Variants in C8orf34 observed in about 807,000 individuals in gnomAD.
C8orf34 encodes the protein uncharacterized protein C8orf34.
Under a neutral mutation model 68.3 loss-of-function variants are expected in C8orf34, and 65 were observed. The ratio of observed to expected loss-of-function variants is 0.95; its 90% CI spans 0.78 to 1.17. C8orf34 has a LOEUF of 1.17. Ranked by LOEUF, C8orf34 falls within the 50% of genes most tolerant of loss-of-function variation. The pLI is 0.00. For synonymous variants in C8orf34, 244 were observed against 241.2 expected (o/e 1.01, Z -0.11); for missense variants, 664 against 655.4 (o/e 1.01, Z -0.14).
At chr8:68,726,079 T>C (rs1245507192) in intron 10 of C8orf34, among the ~76,000 whole-genome samples, 1 of 152,070 alleles carries the variant, frequency 6.6e-6, no homozygotes, top group African/African-American at 2.4e-5. Flanking sequence ...CAGCTAATTT[T>C]TGTATTTTTA....
chr8:68,555,591 T>C (rs1256704629), intron 7 of C8orf34, among the ~76,000 whole-genome samples: 1 of 152,162 alleles, frequency 6.6e-6, no homozygotes, highest in Non-Finnish European at 1.5e-5. Context: ...CTCCCTTCTC[T>C]AGAGGTAATT....
chr8:68,335,179 T>A (rs1805797620), intron 1 of C8orf34, among the ~76,000 whole-genome samples: 1 of 152,150 alleles, frequency 6.6e-6, no homozygotes, highest in Non-Finnish European at 1.5e-5. Flanking sequence ...TTAGGGCAGT[T>A]GTTTGGGGAT....
chr8:68,343,227 G>A (rs538987462), intron 1 of C8orf34, among the ~76,000 whole-genome samples: 3 of 152,130 alleles, frequency 2.0e-5, no homozygotes, highest in African/African-American at 7.2e-5. Flanking sequence ...AAAACCATTT[G>A]CTATTAGAGA....
chr8:68,717,336 G>A (rs1354285537), intron 9 of C8orf34, among the ~76,000 whole-genome samples: 1 of 151,982 alleles, frequency 6.6e-6, no homozygotes, highest in East Asian at 1.9e-4. Context: ...TCACCCAGGC[G>A]GGGCCCGGGT....
intron 6 of C8orf34, among the ~76,000 whole-genome samples, chr8:68,528,056 T>G (rs1471833105): frequency 6.6e-6 from 1 of 152,178 alleles, no homozygotes; most frequent in Non-Finnish European, 1.5e-5. Context: ...CTAGCAATAA[T>G]TTGCTAACTG....
At chr8:68,465,131 G>T (rs961981545) in intron 3 of C8orf34, among the ~76,000 whole-genome samples, 2 of 152,148 alleles carry the variant, frequency 1.3e-5, no homozygotes, top group African/African-American at 2.4e-5. Context: ...CCATCAAAAA[G>T]TGGGCAAAGG....
intron 7 of C8orf34, among the ~76,000 whole-genome samples, chr8:68,634,513 C>T (rs1052814329): frequency 6.6e-5 from 10 of 152,190 alleles, no homozygotes; most frequent in African/African-American, 2.4e-4. Flanking sequence ...TTATCATAAA[C>T]TTTCCAAATT....
chr8:68,632,232 A>G (rs1818711074), intron 7 of C8orf34, among the ~76,000 whole-genome samples: 2 of 152,148 alleles, frequency 1.3e-5, no homozygotes, highest in Non-Finnish European at 2.9e-5. Flanking sequence ...CACTCTTGTT[A>G]TATCTTAGCA....
At chr8:68,781,744 T>A (rs562540221) in intron 11 of C8orf34, among the ~76,000 whole-genome samples, 2 of 152,328 alleles carry the variant, frequency 1.3e-5, no homozygotes, top group South Asian at 4.1e-4. Flanking sequence ...AAGTAAAACA[T>A]TTAAATCATC....
chr8:68,792,297 G>C (rs923380505), intron 12 of C8orf34: 1 of 152,064 alleles, frequency 6.6e-6, no homozygotes, highest in African/African-American at 2.4e-5. Context: ...TATAGATCAG[G>C]CGCAATGGCT....
At chr8:68,704,064 A>G (rs1250553968) in intron 8 of C8orf34, among the ~76,000 whole-genome samples, 2 of 152,238 alleles carry the variant, frequency 1.3e-5, no homozygotes, top group African/African-American at 4.8e-5. Context: ...AATCTCTTTT[A>G]GAGTTTAAAA....
At chr8:68,565,846 A>G (rs1270820039) in intron 7 of C8orf34, among the ~76,000 whole-genome samples, 1 of 152,226 alleles carries the variant, frequency 6.6e-6, no homozygotes, top group African/African-American at 2.4e-5. Flanking sequence ...TAAATGGAAC[A>G]TAGCTATGTA....
At chr8:68,415,473 T>C (rs1809626229) in intron 1 of C8orf34, among the ~76,000 whole-genome samples, 1 of 151,330 alleles carries the variant, frequency 6.6e-6, no homozygotes, top group African/African-American at 2.4e-5. Context: ...AGAGTGAAAT[T>C]CCATCTCAGG....
At chr8:68,565,038 C>G (rs991567981) in intron 7 of C8orf34, among the ~76,000 whole-genome samples, 1 of 152,186 alleles carries the variant, frequency 6.6e-6, no homozygotes, top group African/African-American at 2.4e-5. Flanking sequence ...CTTCTTTCTT[C>G]CATTTGGCCC....
chr8:68,330,881 C>T (rs1313385981), upstream of C8orf34: 5 of 756,708 alleles, frequency 6.6e-6, no homozygotes, highest in Admixed American at 8.2e-5. Flanking sequence ...CCCCTCGACA[C>T]AGCTCGCCTC....
At chr8:68,706,193 G>A (rs1821159703) in intron 8 of C8orf34, among the ~76,000 whole-genome samples, 1 of 152,220 alleles carries the variant, frequency 6.6e-6, no homozygotes, top group Non-Finnish European at 1.5e-5. Flanking sequence ...AGTGGCACAT[G>A]TGCGGGAAAA....
At chr8:68,563,203 A>AT (rs1338165007) in intron 7 of C8orf34, among the ~76,000 whole-genome samples, 2 of 152,136 alleles carry the variant, frequency 1.3e-5, no homozygotes, top group African/African-American at 2.4e-5. Context: ...AATGCTTACA[A>AT]TTTTTTTTAA....
intron 2 of C8orf34, among the ~76,000 whole-genome samples, chr8:68,440,669 G>A (rs1586146358): frequency 6.6e-6 from 1 of 152,230 alleles, no homozygotes; most frequent in East Asian, 1.9e-4. Flanking sequence ...AGGTAGGCAG[G>A]GGCTTTGGTT....
chr8:68,650,470 C>T (rs1459181879), intron 8 of C8orf34, among the ~76,000 whole-genome samples: 1 of 150,922 alleles, frequency 6.6e-6, no homozygotes, highest in Non-Finnish European at 1.5e-5. Flanking sequence ...GGCCGCCCCA[C>T]CCTAGTCTTT....
Sources: allele counts gnomAD v4.1 joint callset (sites outside exome capture counted in the v4.1 genomes callset), GRCh38; gene constraint gnomAD v4.1.1; transcripts MANE v1.5; gene names NCBI Gene and HGNC (gene_info 2026-07-23, HGNC 2026-07-21).